Variants in CCDC62 observed in about 807,000 individuals in gnomAD.
CCDC62 encodes the protein coiled-coil domain-containing protein 62.
A neutral mutation model predicts 80.8 loss-of-function variants in CCDC62; 72 were observed. The observed-to-expected ratio is 0.89, with a 90% confidence interval of 0.74 to 1.08. The LOEUF is 1.08. Among genes scored for constraint, CCDC62 ranks in the 50% least tolerant of loss-of-function variants. The pLI is 0.00. For synonymous variants in CCDC62, 286 were observed against 296.5 expected (o/e 0.96, Z 0.36); for missense variants, 704 against 809.4 (o/e 0.87, Z 1.58).
At chr12:122,813,949 G>T (rs533262728) in intron 11 of CCDC62, among the ~76,000 whole-genome samples, 2 of 150,974 alleles carry the variant, frequency 1.3e-5, no homozygotes, top group Non-Finnish European at 2.9e-5. Context: ...GAGCCACCAC[G>T]GCCAGCTGGA....
chr12:122,786,699 G>A (rs1354455566), intron 4 of CCDC62, among the ~76,000 whole-genome samples: 1 of 151,958 alleles, frequency 6.6e-6, no homozygotes, highest in Non-Finnish European at 1.5e-5. Flanking sequence ...GGTGGCTCAC[G>A]CCTGTAATCC....
intron 10 of CCDC62, among the ~76,000 whole-genome samples, chr12:122,808,056 G>A (rs2135571671): frequency 6.6e-6 from 1 of 152,260 alleles, no homozygotes; most frequent in African/African-American, 2.4e-5. Context: ...CAACACTTTG[G>A]GAGGCCGAGG....
intron 1 of CCDC62, among the ~76,000 whole-genome samples, chr12:122,775,674 G>T (rs7962224): frequency 0.063 from 9,639 of 152,222 alleles, 1,053 homozygotes; most frequent in African/African-American, 0.22. Context: ...GTACAGTGAC[G>T]CAATGTCGGC....
intron 11 of CCDC62, among the ~76,000 whole-genome samples, chr12:122,822,041 C>T (rs1488392167): frequency 8.8e-6 from 1 of 113,204 alleles, no homozygotes; most frequent in Non-Finnish European, 1.9e-5. Context: ...CAATGGGAGA[C>T]CCTGTCTCTA....
At chr12:122,776,216 G>C (rs1439577846) in intron 1 of CCDC62, among the ~76,000 whole-genome samples, 1 of 152,174 alleles carries the variant, frequency 6.6e-6, no homozygotes, top group South Asian at 2.1e-4. Context: ...TCGTTTTACA[G>C]GTGAGGAAAC....
At chr12:122,782,831 G>A (rs767730977) in intron 3 of CCDC62, among the ~76,000 whole-genome samples, 22 of 151,570 alleles carry the variant, frequency 1.5e-4, no homozygotes, top group Non-Finnish European at 2.2e-4. Flanking sequence ...TTTTGAGCCC[G>A]GCATGGTGGC....
chr12:122,809,595 G>C (rs2031780090), intron 10 of CCDC62, among the ~76,000 whole-genome samples: 1 of 152,232 alleles, frequency 6.6e-6, no homozygotes, highest in Non-Finnish European at 1.5e-5. Flanking sequence ...AGACCAGCCT[G>C]GTCAACATGG....
chr12:122,805,400 G>A (rs907586291), intron 9 of CCDC62, among the ~76,000 whole-genome samples: 7 of 138,016 alleles, frequency 5.1e-5, no homozygotes, highest in Non-Finnish European at 9.2e-5. Flanking sequence ...CTGGAATGCA[G>A]TGGTGCGATC....
rs375300897 is a variant in CCDC62, at chr12:122,826,479, C to G, written c.*98C>G. 129 of 774,984 alleles carry G rather than the reference C, an allele frequency of 1.7e-4. 1 individual carries two copies. Among genetic ancestry groups the G allele is most frequent in the Admixed American group, 4.4e-4 (26 of 58,504 alleles). The allele number at this position is 774,984 out of a possible 1,614,324, so 48.0% of individuals were successfully genotyped here. On this transcript the variant is annotated 3_prime_UTR_variant, in exon 13 of 13. Coordinates refer to ENST00000253079, the MANE Select transcript of CCDC62 (RefSeq NM_201435.5). The stretch of plus-strand genomic sequence containing the variant: ...CACCAATACTGAATGAATACTTAAC[C>G]GTAAAACTGAAAGAGGATTCTAGTT...
At chr12:122,787,227 C>T (rs890583618) in intron 4 of CCDC62, among the ~76,000 whole-genome samples, 4 of 152,038 alleles carry the variant, frequency 2.6e-5, no homozygotes, top group African/African-American at 7.2e-5. Context: ...GTGGGTGGAT[C>T]GCTTGAGGTC....
chr12:122,812,101 C>T (rs530214131), intron 10 of CCDC62, among the ~76,000 whole-genome samples: 1 of 152,166 alleles, frequency 6.6e-6, no homozygotes, highest in East Asian at 1.9e-4. Context: ...ACTTCATTAG[C>T]TGTAGTAAGT....
chr12:122,814,524 G>A (rs955757000), intron 11 of CCDC62, among the ~76,000 whole-genome samples: 2 of 53,508 alleles, frequency 3.7e-5, no homozygotes, highest in African/African-American at 1.4e-4. Context: ...TTTTTTTTTT[G>A]AGACTGAGTT....
At chr12:122,792,161 C>A in intron 6 of CCDC62, 40 bp downstream of exon 6, 2 of 1,133,776 alleles carry the variant, frequency 1.8e-6, no homozygotes, top group Non-Finnish European at 2.7e-6. Flanking sequence ...CCTAGACTTG[C>A]AATGATGACA....
intron 4 of CCDC62, among the ~76,000 whole-genome samples, chr12:122,786,166 G>T (rs867247892): frequency 6.6e-6 from 1 of 151,822 alleles, no homozygotes; most frequent in Non-Finnish European, 1.5e-5. Context: ...GTTTTGTTTT[G>T]AGACGGAGTC....
chr12:122,774,939 A>ATAC (rs2135520310), intron 1 of CCDC62, among the ~76,000 whole-genome samples: 3 of 150,976 alleles, frequency 2.0e-5, no homozygotes, highest in Admixed American at 1.3e-4. Context: ...AATAAAAAAA[A>ATAC]AAAAATTAGC....
intron 10 of CCDC62, among the ~76,000 whole-genome samples, chr12:122,811,712 C>T (rs1184411306): frequency 6.9e-6 from 1 of 145,908 alleles, no homozygotes; most frequent in Admixed American, 7.0e-5. Flanking sequence ...CCCAGCTACT[C>T]GGGAGGCTGA....
At chr12:122,787,474 G>A (rs1382904041) in intron 4 of CCDC62, among the ~76,000 whole-genome samples, 2 of 151,016 alleles carry the variant, frequency 1.3e-5, no homozygotes, top group East Asian at 1.9e-4. Context: ...AAAGAAGGTC[G>A]GTCGTGGTGG....
intron 3 of CCDC62, among the ~76,000 whole-genome samples, chr12:122,783,156 C>G (rs2029972336): frequency 6.6e-6 from 1 of 151,020 alleles, no homozygotes; most frequent in Admixed American, 6.6e-5. Flanking sequence ...GGTCAGTCAT[C>G]AGATATTTTT....
chr12:122,793,619 A>G (rs2030764802), intron 6 of CCDC62, among the ~76,000 whole-genome samples: 1 of 152,028 alleles, frequency 6.6e-6, no homozygotes, highest in Admixed American at 6.6e-5. Context: ...TAGCCTGGCT[A>G]AATTTTTAAT....
Sources: allele counts gnomAD v4.1 joint callset (sites outside exome capture counted in the v4.1 genomes callset), GRCh38; gene constraint gnomAD v4.1.1; transcripts MANE v1.5; gene names NCBI Gene and HGNC (gene_info 2026-07-23, HGNC 2026-07-21).